Variants in BTBD3 observed in about 807,000 individuals in gnomAD.
BTBD3 encodes BTB domain containing 3, also known as BTB/POZ domain-containing protein 3.
Under a neutral mutation model 41.6 loss-of-function variants are expected in BTBD3, and 14 were observed. That is an observed-to-expected ratio of 0.34 (90% CI 0.22 to 0.53). BTBD3 has a LOEUF of 0.53. BTBD3 is among the 20% of genes least tolerant of loss of function. The pLI is 0.95. For synonymous variants in BTBD3, 249 were observed against 233.7 expected (o/e 1.07, Z -0.60); for missense variants, 426 against 654.7 (o/e 0.65, Z 3.81).
In BTBD3 at chr20:11,922,766, G is replaced by C; in HGVS notation, c.669G>C (p.Lys223Asn). The change falls in exon 4 of 4, where the codon AAG becomes AAC. Residue 223 changes from lysine (K) to asparagine (N), a missense_variant. Around this residue, in one of 3 missense-constraint regions of BTBD3, gnomAD observed 321 missense variants for 534.8 expected, o/e 0.60. Coordinates refer to ENST00000378226, the MANE Select transcript of BTBD3 (RefSeq NM_014962.4). ...TCCTGGAGACCAGCCTGAGTGCCAA[G>C]AATGCCTGTGTGCTCCTCTCCCAGA... ...VNFLETSLSA[K>N]NACVLLSQSC... is the part of the protein sequence containing the mutation. The C allele has an allele frequency of 6.2e-7, 1 of 1,614,170 alleles. No homozygotes were observed. Among genetic ancestry groups the C allele is most frequent in the Non-Finnish European group, 8.5e-7 (1 of 1,180,020 alleles).
At chr20:11,895,664 T>C (rs2056782392) in intron 1 of BTBD3, among the ~76,000 whole-genome samples, 1 of 152,174 alleles carries the variant, frequency 6.6e-6, no homozygotes, top group Non-Finnish European at 1.5e-5. Context: ...TACCTACTCT[T>C]CCAAGAACAA....
chr20:11,900,757 G>A (rs922400462), intron 1 of BTBD3, among the ~76,000 whole-genome samples: 1 of 149,262 alleles, frequency 6.7e-6, no homozygotes, highest in Non-Finnish European at 1.5e-5. Context: ...GCCCAGGCTG[G>A]AGTGCAGCGG....
intron 3 of BTBD3, among the ~76,000 whole-genome samples, chr20:11,921,084 C>A (rs551180695): frequency 6.6e-6 from 1 of 152,258 alleles, no homozygotes; most frequent in South Asian, 2.1e-4. Context: ...TGCAAGTATC[C>A]CCACTGCATG....
At chr20:11,912,982 C>G (rs1263420019), upstream of BTBD3, among the ~76,000 whole-genome samples, 1 of 152,200 alleles carries the variant, frequency 6.6e-6, no homozygotes, top group Admixed American at 6.5e-5. Context: ...CCTCCCAAAT[C>G]AAAAGCATAA....
At chr20:11,894,207 T>C (rs978549171) in intron 1 of BTBD3, among the ~76,000 whole-genome samples, 2 of 152,226 alleles carry the variant, frequency 1.3e-5, no homozygotes, top group Admixed American at 1.3e-4. Flanking sequence ...CCAAATGACG[T>C]AGGCTCAGTA....
Position 11,923,055 on chromosome 20 carries a change from A to G in BTBD3, c.958A>G (p.Ile320Val). ...GGTTCTAGGAAAGGCACTTTACTTG[A>G]TCCGCATACCCACAATGGCCCTCGA... ...RKVLGKALYL[I>V]RIPTMALDDF... is the part of the protein sequence containing the mutation. Residue 320 changes from isoleucine (I) to valine (V), a missense_variant, in exon 4 of 4, where the codon ATC becomes GTC. Physicochemically the swap from Ile to Val is conservative, Grantham distance 29. Transcript: ENST00000378226. This position sits in a 1 kb window ranked among gnomAD's most constrained non-coding sequence, Gnocchi z 5.3. The G allele has an allele frequency of 6.2e-7, 1 of 1,614,078 alleles. No homozygotes were observed. The highest frequency in any genetic ancestry group is 8.5e-7 in the Non-Finnish European group (1 of 1,180,046).
intron 1 of BTBD3, among the ~76,000 whole-genome samples, chr20:11,897,484 C>CAAAAAAAAAAAAAAAAAAA (rs71186168): frequency 1.5e-5 from 1 of 65,370 alleles, no homozygotes; most frequent in African/African-American, 5.9e-5. Flanking sequence ...GTTATTTAAG[C>CAAAAAAAAAAAAAAAAAAA]AAAAAAAAAA....
chr20:11,910,019 T>A (rs1452802204), intron 1 of BTBD3: 2 of 152,220 alleles, frequency 1.3e-5, no homozygotes, highest in Non-Finnish European at 2.9e-5. Flanking sequence ...CTGTGATACT[T>A]GGAACCTCAC....
intron 1 of BTBD3, among the ~76,000 whole-genome samples, chr20:11,893,249 A>C (rs1717155022): frequency 1.3e-5 from 2 of 152,200 alleles, no homozygotes; most frequent in South Asian, 4.1e-4. Context: ...TCAATTCCAA[A>C]ATACCTTTAG....
chr20:11,920,074 A>G (rs1424095143), intron 3 of BTBD3, among the ~76,000 whole-genome samples: 1 of 152,234 alleles, frequency 6.6e-6, no homozygotes, highest in Non-Finnish European at 1.5e-5. Context: ...AGTGGCATGT[A>G]TAGTGATGAT....
chr20:11,906,091 C>G (rs935396582), intron 1 of BTBD3, among the ~76,000 whole-genome samples: 2 of 151,898 alleles, frequency 1.3e-5, no homozygotes, highest in Non-Finnish European at 2.9e-5. Flanking sequence ...CAACACAAAT[C>G]TCAAAACTAT....
chr20:11,923,805 T>C lies in BTBD3; in HGVS notation c.*139T>C, dbSNP rs1033692285. On this transcript the variant is annotated 3_prime_UTR_variant, in exon 4 of 4. Transcript: ENST00000378226. This position sits in a 1 kb window ranked among gnomAD's most constrained non-coding sequence, Gnocchi z 5.3. The stretch of plus-strand genomic sequence containing the variant: ...AGCGGTAGGCAGGTTCTAATTTCTT[T>C]TAACCTTTTAATTATGTACAGGCAA... 11 of 834,800 alleles carry C rather than the reference T, an allele frequency of 1.3e-5. No individual in the cohort carries two copies. The highest frequency in any genetic ancestry group is 1.3e-5 in the Non-Finnish European group (7 of 549,726). The allele number at this position is 834,800 out of a possible 1,614,324, so 51.7% of individuals were successfully genotyped here. A position where few individuals can be genotyped will look rare whatever the true frequency, so the allele number is the denominator to read the frequency against.
chr20:11,910,051 A>C (rs925635217), intron 1 of BTBD3: 1 of 152,166 alleles, frequency 6.6e-6, no homozygotes, highest in African/African-American at 2.4e-5. Context: ...ACTGATGTAG[A>C]ATATCTGGTG....
intron 3 of BTBD3, among the ~76,000 whole-genome samples, chr20:11,920,504 G>A (rs546627221): frequency 2.0e-5 from 3 of 152,240 alleles, no homozygotes; most frequent in South Asian, 4.1e-4. Flanking sequence ...TTAAAGATAC[G>A]TTATATATTT....
At chr20:11,894,703 A>G (rs902816386) in intron 1 of BTBD3, among the ~76,000 whole-genome samples, 1 of 151,948 alleles carries the variant, frequency 6.6e-6, no homozygotes, top group Non-Finnish European at 1.5e-5. Flanking sequence ...CAACCAATAA[A>G]ATATTTTTAT....
chr20:11,917,506 G>C (rs975900896), upstream of BTBD3, among the ~76,000 whole-genome samples: 1 of 152,164 alleles, frequency 6.6e-6, no homozygotes, highest in Non-Finnish European at 1.5e-5. Context: ...TCAGTTTATA[G>C]ACTGGAGGAT....
At chr20:11,902,822 G>A (rs996429313) in intron 1 of BTBD3, among the ~76,000 whole-genome samples, 2 of 152,144 alleles carry the variant, frequency 1.3e-5, no homozygotes, top group African/African-American at 4.8e-5. Flanking sequence ...AACTCTCATA[G>A]ATGTGTGTAT....
chr20:11,911,482 C>A (rs1026726727), intron 1 of BTBD3, among the ~76,000 whole-genome samples: 3 of 152,280 alleles, frequency 2.0e-5, no homozygotes, highest in East Asian at 1.9e-4. Context: ...AGTTGTCTAA[C>A]CTTTTGGCTT....
chr20:11,923,855 A>G lies in BTBD3; in HGVS notation c.*189A>G, dbSNP rs1461021445. On this transcript the variant is annotated 3_prime_UTR_variant, in exon 4 of 4. Coordinates refer to ENST00000378226, the MANE Select transcript of BTBD3 (RefSeq NM_014962.4). This position sits in a 1 kb window ranked among gnomAD's most constrained non-coding sequence, Gnocchi z 5.3. ...AAAATGCAGCATTCCGCTTTTAACT[A>G]TCTGCTTAAAAGAGCTAACGTTCTT... The G allele has an allele frequency of 1.0e-5, 6 of 595,146 alleles. No individual in the cohort carries two copies. Among genetic ancestry groups the G allele is most frequent in the South Asian group, 2.3e-5 (1 of 42,904 alleles). 36.9% of individuals were successfully genotyped at this position (595,146 alleles called of 1,614,324 possible). A position where few individuals can be genotyped will look rare whatever the true frequency, so the allele number is the denominator to read the frequency against.
Sources: gnomAD v4.1 joint callset for allele counts (sites outside exome capture counted in the v4.1 genomes callset) on GRCh38, gnomAD v4.1.1 for gene constraint, gnomAD v4.1.1 regional missense constraint, Gnocchi (gnomAD v3.1) non-coding constraint, MANE v1.5 for transcripts, NCBI Gene and HGNC (gene_info 2026-07-23, HGNC 2026-07-21) for gene names.